The following B3GALT1 variants were observed in gnomAD, a reference collection of about 807,000 sequenced individuals.
B3GALT1 encodes UDP-Gal:betaGlcNAc beta 1,3-galactosyltransferase, polypeptide 1.
A neutral mutation model predicts 23.2 loss-of-function variants in B3GALT1; 10 were observed. That is an observed-to-expected ratio of 0.43 (90% CI 0.27 to 0.73). The LOEUF (loss-of-function observed/expected upper bound fraction) is 0.73. Among genes scored for constraint, B3GALT1 ranks in the 30% least tolerant of loss-of-function variants. B3GALT1 has a pLI of 0.21. For missense variants in B3GALT1, 299 were observed against 405.4 expected, an observed-to-expected ratio of 0.74 and a Z score of 2.25; for synonymous variants, 156 against 141.5, an observed-to-expected ratio of 1.10 and a Z score of -0.73.
intron 3 of B3GALT1, among the ~76,000 whole-genome samples, chr2:167,740,851 A>G (rs952680249): frequency 2.6e-5 from 4 of 152,054 alleles, no homozygotes; most frequent in Non-Finnish European, 5.9e-5. Flanking sequence ...AACCAACCAC[A>G]CTTTAGTCTT....
chr2:167,585,086 TCC>T, intron 2 of B3GALT1, among the ~76,000 whole-genome samples: 1 of 152,118 alleles, frequency 6.6e-6, no homozygotes, highest in African/African-American at 2.4e-5. Context: ...CCCAGGGGCC[TCC>T]AGCCACCAGT....
intron 3 of B3GALT1, among the ~76,000 whole-genome samples, chr2:167,731,061 A>T (rs1474794773): frequency 6.6e-6 from 1 of 152,184 alleles, no homozygotes; most frequent in African/African-American, 2.4e-5. Flanking sequence ...ACTTGAACCC[A>T]GGAAACATGG....
intron 2 of B3GALT1, among the ~76,000 whole-genome samples, chr2:167,539,103 A>T (rs1258876108): frequency 6.6e-6 from 1 of 152,200 alleles, no homozygotes; most frequent in Non-Finnish European, 1.5e-5. Context: ...CTAAAAACTA[A>T]TGACAAATGA....
intron 3 of B3GALT1, among the ~76,000 whole-genome samples, chr2:167,793,411 G>C (rs942248179): frequency 6.6e-6 from 1 of 152,140 alleles, no homozygotes; most frequent in South Asian, 2.1e-4. Flanking sequence ...CTGGGGCTGG[G>C]TTCGCCCCGT....
At chr2:167,491,454 C>T (rs1699708118) in intron 2 of B3GALT1, among the ~76,000 whole-genome samples, 1 of 147,070 alleles carries the variant, frequency 6.8e-6, no homozygotes, top group Non-Finnish European at 1.5e-5. Flanking sequence ...TTAATTTTAA[C>T]AACTTCTGTG....
At chr2:167,421,208 C>A (rs1559091445) in intron 1 of B3GALT1, among the ~76,000 whole-genome samples, 2 of 152,108 alleles carry the variant, frequency 1.3e-5, no homozygotes, top group Non-Finnish European at 2.9e-5. Context: ...ATTAATTAAA[C>A]TTAGATAAAA....
At chr2:167,631,186 T>C (rs1685435020) in intron 2 of B3GALT1, among the ~76,000 whole-genome samples, 1 of 151,908 alleles carries the variant, frequency 6.6e-6, no homozygotes, top group South Asian at 2.1e-4. Context: ...AGTGTTTCTC[T>C]GAATGAGACT....
intron 1 of B3GALT1, among the ~76,000 whole-genome samples, chr2:167,353,428 T>A (rs906773935): frequency 1.3e-5 from 2 of 152,054 alleles, no homozygotes; most frequent in South Asian, 4.1e-4. Context: ...TGAACCTTAG[T>A]GGTATTTTTT....
At chr2:167,551,401 C>T (rs757149921) in intron 2 of B3GALT1, among the ~76,000 whole-genome samples, 1 of 152,138 alleles carries the variant, frequency 6.6e-6, no homozygotes, top group Non-Finnish European at 1.5e-5. Context: ...TTCTTTGAGA[C>T]TAGAGAGAAG....
Position 167,328,840 on chromosome 2 carries a change from G to T in B3GALT1, c.-511+35506G>T, listed in dbSNP as rs1343170580. Among the ~76,000 whole-genome samples, 3 of 151,276 alleles carry T rather than the reference G, an allele frequency of 2.0e-5. No individual in the cohort carries two copies. The East Asian group carries it at 5.8e-4, about 29-fold the overall frequency. On this transcript the variant is annotated intron_variant, in intron 1 of 4. Transcript: ENST00000392690. ...TTTTTATTTTATTTTTTTTAACCACGTCTCACTTGTCACCCAGGCTGAAGT... is the reference window on the plus strand; with the variant it reads ...TTTTTATTTTATTTTTTTTAACCACTTCTCACTTGTCACCCAGGCTGAAGT...
At chr2:167,647,271 T>C (rs1685764050) in intron 3 of B3GALT1, among the ~76,000 whole-genome samples, 1 of 152,214 alleles carries the variant, frequency 6.6e-6, no homozygotes, top group Non-Finnish European at 1.5e-5. Context: ...TATTTACTTT[T>C]GAGTTTATAC....
chr2:167,408,807 A>AAAAC (rs34489789), intron 1 of B3GALT1, among the ~76,000 whole-genome samples: 106,755 of 137,926 alleles, frequency 0.77, 43,327 homozygotes, highest in East Asian at 0.89. Flanking sequence ...ACAAAAAAAA[A>AAAAC]AAAAAACAAA....
At chr2:167,539,545 A>G (rs1017588973) in intron 2 of B3GALT1, among the ~76,000 whole-genome samples, 17 of 152,186 alleles carry the variant, frequency 1.1e-4, no homozygotes, top group African/African-American at 3.9e-4. Flanking sequence ...TGGTACTGAT[A>G]TATTTTGTGA....
At chr2:167,627,206 T>C (rs1429739442) in intron 2 of B3GALT1, among the ~76,000 whole-genome samples, 2 of 151,652 alleles carry the variant, frequency 1.3e-5, no homozygotes, top group Non-Finnish European at 3.0e-5. Context: ...TTTTAAAATA[T>C]ATTGTCCTGT....
At chr2:167,358,085 T>C (rs1475638084) in intron 1 of B3GALT1, among the ~76,000 whole-genome samples, 2 of 152,190 alleles carry the variant, frequency 1.3e-5, no homozygotes, top group African/African-American at 4.8e-5. Context: ...CTTACTTATT[T>C]TTGTAAGGGA....
intron 2 of B3GALT1, among the ~76,000 whole-genome samples, chr2:167,547,003 G>C (rs942699392): frequency 3.3e-5 from 5 of 152,086 alleles, no homozygotes; most frequent in Non-Finnish European, 5.9e-5. Flanking sequence ...CTGCTCCTCA[G>C]CCTCCATGAG....
chr2:167,685,281 A>T (rs1686600010), intron 3 of B3GALT1, among the ~76,000 whole-genome samples: 1 of 152,120 alleles, frequency 6.6e-6, no homozygotes, highest in South Asian at 2.1e-4. Flanking sequence ...TTTTAAAGAG[A>T]TGGGGTCTTG....
chr2:167,575,499 C>G (rs1310573212), intron 2 of B3GALT1, among the ~76,000 whole-genome samples: 1 of 151,732 alleles, frequency 6.6e-6, no homozygotes, highest in Non-Finnish European at 1.5e-5. Context: ...TTTGGCACAC[C>G]AGCAGAGGCT....
intron 3 of B3GALT1, among the ~76,000 whole-genome samples, chr2:167,721,207 A>G (rs1687227717): frequency 1.3e-5 from 2 of 152,354 alleles, no homozygotes; most frequent in South Asian, 4.1e-4. Context: ...ATACACAGTT[A>G]CAGATAATTT....
Sources: allele counts gnomAD v4.1 joint callset (sites outside exome capture counted in the v4.1 genomes callset), GRCh38; gene constraint gnomAD v4.1.1; transcripts MANE v1.5; gene names NCBI Gene and HGNC (gene_info 2026-07-23, HGNC 2026-07-21).